The following HECW1 variants were observed in gnomAD, a reference collection of about 807,000 sequenced individuals.
HECW1 encodes HECT, C2 and WW domain containing E3 ubiquitin protein ligase 1, also known as E3 ubiquitin-protein ligase HECW1.
HECW1 carries 61 observed loss-of-function variants against 182.3 expected under a neutral mutation model. That is an observed-to-expected ratio of 0.33 (90% CI 0.27 to 0.41). The LOEUF is 0.41. Among genes scored for constraint, HECW1 ranks in the 10% least tolerant of loss-of-function variants. HECW1 has a pLI of 1.00. For synonymous variants in HECW1, 859 were observed against 832.6 expected (o/e 1.03, Z -0.55); for missense variants, 1,739 against 2,108.9 (o/e 0.82, Z 3.44).
intron 19 of HECW1, among the ~76,000 whole-genome samples, chr7:43,493,777 C>T (rs1303895922): frequency 3.9e-5 from 6 of 152,194 alleles, no homozygotes; most frequent in East Asian, 1.9e-4. Context: ...TACTCTCCAA[C>T]GTTCCAAAAT....
chr7:43,144,401 C>A (rs1478586472), intron 2 of HECW1, among the ~76,000 whole-genome samples: 3 of 152,136 alleles, frequency 2.0e-5, no homozygotes, highest in African/African-American at 7.2e-5. Context: ...AGTCACTATG[C>A]ATAGCTCACA....
At chr7:43,276,194 A>G (rs1803121635) in intron 3 of HECW1, among the ~76,000 whole-genome samples, 1 of 152,158 alleles carries the variant, frequency 6.6e-6, no homozygotes, top group Admixed American at 6.5e-5. Flanking sequence ...TGCCAGGGAC[A>G]GTTTATTTTG....
intron 2 of HECW1, among the ~76,000 whole-genome samples, chr7:43,183,895 G>A (rs1793102871): frequency 6.6e-6 from 1 of 151,890 alleles, no homozygotes; most frequent in African/African-American, 2.4e-5. Context: ...AACAAGTGTA[G>A]GCACACTTTT....
Position 43,364,239 on chromosome 7 carries a change from C to T in HECW1, c.555+3259C>T, listed in dbSNP as rs113534901. Among the ~76,000 whole-genome samples, 868 of 152,274 alleles carry T rather than the reference C, an allele frequency of 5.7e-3. 10 individuals carry two copies. The highest frequency in any genetic ancestry group is 0.02 in the African/African-American group (831 of 41,544). On this transcript the variant is annotated intron_variant, in intron 6 of 29. Coordinates refer to ENST00000395891, the MANE Select transcript of HECW1 (RefSeq NM_015052.5). ...ATTTTCTGAGCATTGTATGGTCTCA[C>T]GATGCATCAATTCTTTTTCTCATTG...
chr7:43,429,860 C>T (rs2152864513), intron 8 of HECW1, among the ~76,000 whole-genome samples: 1 of 152,290 alleles, frequency 6.6e-6, no homozygotes, highest in South Asian at 2.1e-4. Flanking sequence ...CTTTATATCT[C>T]GCTGCAAGAG....
intron 29 of HECW1, among the ~76,000 whole-genome samples, chr7:43,555,628 C>A (rs1197272850): frequency 6.6e-6 from 1 of 152,198 alleles, no homozygotes; most frequent in South Asian, 2.1e-4. Context: ...ATCCTTATTG[C>A]AGAAGGATTT....
At chr7:43,481,503 A>T (rs1263550455) in intron 17 of HECW1, among the ~76,000 whole-genome samples, 1 of 152,232 alleles carries the variant, frequency 6.6e-6, no homozygotes, top group African/African-American at 2.4e-5. Context: ...ATTAGTCTGA[A>T]ATGTAAATAT....
intron 6 of HECW1, among the ~76,000 whole-genome samples, chr7:43,394,845 A>C (rs1347563665): frequency 6.6e-6 from 1 of 152,230 alleles, no homozygotes; most frequent in Non-Finnish European, 1.5e-5. Flanking sequence ...TATTACTCAA[A>C]TCCATCTCCC....
intron 3 of HECW1, among the ~76,000 whole-genome samples, chr7:43,254,049 C>CT (rs1800309704): frequency 6.6e-6 from 1 of 152,190 alleles, no homozygotes; most frequent in Admixed American, 6.5e-5. Context: ...TCTCTGGACT[C>CT]TGAGTCTGTG....
chr7:43,524,863 C>T (rs1391509612), intron 24 of HECW1, among the ~76,000 whole-genome samples: 1 of 152,204 alleles, frequency 6.6e-6, no homozygotes, highest in South Asian at 2.1e-4. Flanking sequence ...GTGGAAGGAG[C>T]TCCTGTGTCC....
chr7:43,265,189 T>C (rs551448194), intron 3 of HECW1, among the ~76,000 whole-genome samples: 2 of 152,274 alleles, frequency 1.3e-5, no homozygotes, highest in Admixed American at 6.5e-5. Flanking sequence ...TTCTAGCCGC[T>C]CTTGGTCCTG....
At chr7:43,177,588 C>G (rs1351356272) in intron 2 of HECW1, among the ~76,000 whole-genome samples, 1 of 152,236 alleles carries the variant, frequency 6.6e-6, no homozygotes, top group African/African-American at 2.4e-5. Context: ...AACTTGAACT[C>G]TAGCCCTGGC....
At chr7:43,398,615 G>GA (rs879316257) in intron 7 of HECW1, among the ~76,000 whole-genome samples, 512 of 142,652 alleles carry the variant, frequency 3.6e-3, no homozygotes, top group Non-Finnish European at 5.1e-3. Context: ...CTAGGCTGAA[G>GA]AAAAAAAAAA....
chr7:43,366,506 C>T (rs1482482984), intron 6 of HECW1, among the ~76,000 whole-genome samples: 1 of 152,208 alleles, frequency 6.6e-6, no homozygotes, highest in Non-Finnish European at 1.5e-5. Context: ...ATACTTCAAC[C>T]AAGTTAGTAG....
At chr7:43,433,539 G>A (rs1226109996) in intron 8 of HECW1, among the ~76,000 whole-genome samples, 1 of 152,224 alleles carries the variant, frequency 6.6e-6, no homozygotes, top group African/African-American at 2.4e-5. Flanking sequence ...ACAAAAGAAA[G>A]TTTACTTTTA....
At chr7:43,120,222 G>A (rs6960577) in intron 2 of HECW1, among the ~76,000 whole-genome samples, 107,081 of 152,010 alleles carry the variant, frequency 0.7, 38,786 homozygotes, top group African/African-American at 0.89. Flanking sequence ...TTCCTAGAAC[G>A]TGCCAGGTAC....
At chr7:43,372,152 G>A (rs906462811) in intron 6 of HECW1, among the ~76,000 whole-genome samples, 1 of 152,070 alleles carries the variant, frequency 6.6e-6, no homozygotes, top group East Asian at 1.9e-4. Context: ...CAAAAGCAAG[G>A]CTCAGAGCAG....
At chr7:43,226,225 G>GA (rs1377112710) in intron 2 of HECW1, among the ~76,000 whole-genome samples, 2 of 152,282 alleles carry the variant, frequency 1.3e-5, no homozygotes, top group Non-Finnish European at 2.9e-5. Flanking sequence ...GGTTAAAATG[G>GA]AAAAAATTTT....
At chr7:43,465,139 A>G (rs751605292) in intron 14 of HECW1, among the ~76,000 whole-genome samples, 4 of 152,216 alleles carry the variant, frequency 2.6e-5, no homozygotes, top group Non-Finnish European at 4.4e-5. Context: ...TGAGAGAGAC[A>G]TGGTACAATA....
Sources: gnomAD v4.1 joint callset for allele counts (sites outside exome capture counted in the v4.1 genomes callset) on GRCh38, gnomAD v4.1.1 for gene constraint, MANE v1.5 for transcripts, NCBI Gene and HGNC (gene_info 2026-07-23, HGNC 2026-07-21) for gene names.